Variants in LAMA2 observed in about 807,000 individuals in gnomAD.
LAMA2 encodes laminin subunit alpha 2, also known as laminin subunit alpha-2.
In LAMA2, 269 loss-of-function variants were observed where a neutral mutation model predicts 364.8. The ratio of observed to expected loss-of-function variants is 0.74; its 90% CI spans 0.67 to 0.82. The LOEUF is 0.82. Among genes scored for constraint, LAMA2 ranks in the 40% least tolerant of loss-of-function variants. LAMA2 has a pLI of 0.00. For synonymous variants in LAMA2, 1,379 were observed against 1,370.6 expected (o/e 1.01, Z -0.14); for missense variants, 3,807 against 3,873.2 (o/e 0.98, Z 0.45).
At chr6:129,136,853 G>A (rs529886168) in intron 4 of LAMA2, among the ~76,000 whole-genome samples, 1 of 152,226 alleles carries the variant, frequency 6.6e-6, no homozygotes, top group East Asian at 1.9e-4. Flanking sequence ...ATGATTTACA[G>A]CTTTTTAAAA....
chr6:129,054,349 G>T (rs1049246357), intron 2 of LAMA2, among the ~76,000 whole-genome samples: 2 of 152,290 alleles, frequency 1.3e-5, no homozygotes, highest in South Asian at 2.1e-4. Flanking sequence ...TGAAGAAAAG[G>T]TCAGAAAGTA....
intron 1 of LAMA2, among the ~76,000 whole-genome samples, chr6:128,884,867 T>C (rs779524808): frequency 6.6e-6 from 1 of 152,186 alleles, no homozygotes. Context: ...TTATGTCCAC[T>C]TGGAATGGGG....
chr6:128,988,136 G>A (rs901426196), intron 1 of LAMA2, among the ~76,000 whole-genome samples: 2 of 152,182 alleles, frequency 1.3e-5, no homozygotes, highest in Non-Finnish European at 2.9e-5. Flanking sequence ...AAAGTGCTGG[G>A]ATTATAGGCA....
rs754163400 is a variant in LAMA2 at position 129,320,597 on chromosome 6, C to T, written c.4118C>T (p.Pro1373Leu). 5.6e-5 allele frequency: 91 copies of T among 1,613,618 alleles called. No individual in the cohort carries two copies. The highest frequency in any genetic ancestry group is 7.5e-5 in the Non-Finnish European group (88 of 1,179,732). Residue 1373 changes from proline to leucine, a missense_variant, in exon 28 of 65, where the codon CCA becomes CTA. Physicochemically the swap from Pro to Leu is moderately conservative, Grantham distance 98. Around this residue, in one of 3 missense-constraint regions of LAMA2, gnomAD observed 3,333 missense variants for 3,345.7 expected, o/e 1.00. Transcript: ENST00000421865. The stretch of plus-strand genomic sequence containing the variant: ...GGACGTGGAACAACAATGACTCCTC[C>T]AGCTGACTTGATTGAAAAATGTGAT... Reference protein sequence around the residue: ...EQGRGTTMTPPADLIEKCDCP... With the variant: ...EQGRGTTMTPLADLIEKCDCP...
chr6:129,144,090 G>GA lies in LAMA2; in HGVS notation c.819+11dup, dbSNP rs1431346736. 1 of 1,603,640 alleles carries GA rather than the reference G, an allele frequency of 6.2e-7. No individual in the cohort carries two copies. The highest frequency in any genetic ancestry group is 8.5e-7 in the Non-Finnish European group (1 of 1,171,234). On this transcript the variant is annotated intron_variant, in intron 5 of 64. Coordinates refer to ENST00000421865, the MANE Select transcript of LAMA2 (RefSeq NM_000426.4). The stretch of plus-strand genomic sequence containing the variant: ...CATTGTCACCAGAAGAGTAAGTTAT[G>GA]ATGAATCATATTAGAGCCTACAAAT...
intron 4 of LAMA2, among the ~76,000 whole-genome samples, chr6:129,116,534 AC>A (rs2114910656): frequency 6.6e-6 from 1 of 152,236 alleles, no homozygotes; most frequent in East Asian, 1.9e-4. Context: ...TATGTATAGA[AC>A]CAAGATGATT....
chr6:129,238,172 C>CAAA (rs202051106), intron 12 of LAMA2, among the ~76,000 whole-genome samples: 1 of 119,156 alleles, frequency 8.4e-6, no homozygotes, highest in African/African-American at 3.0e-5. Context: ...GACTCCATCT[C>CAAA]AAAAAAAAAA....
chr6:129,142,569 G>A (rs1461146182), intron 4 of LAMA2, among the ~76,000 whole-genome samples: 1 of 151,984 alleles, frequency 6.6e-6, no homozygotes, highest in Non-Finnish European at 1.5e-5. Context: ...GCCATATTCA[G>A]TTCACCTGTA....
intron 8 of LAMA2, 79 bp downstream of exon 8, chr6:129,154,762 A>G: frequency 8.4e-7 from 1 of 1,187,388 alleles, no homozygotes. Context: ...AAAAATAATA[A>G]TTTTGAAAGC....
At chr6:129,044,530 T>A (rs989494190) in intron 1 of LAMA2, among the ~76,000 whole-genome samples, 13 of 151,466 alleles carry the variant, frequency 8.6e-5, no homozygotes, top group Non-Finnish European at 1.8e-4. Flanking sequence ...GATATACACT[T>A]AGCCTTTTTC....
At chr6:128,985,784 T>A (rs1207614862) in intron 1 of LAMA2, among the ~76,000 whole-genome samples, 2 of 152,178 alleles carry the variant, frequency 1.3e-5, no homozygotes, top group East Asian at 3.8e-4. Flanking sequence ...TATTTAAGTA[T>A]GCATATCTAA....
At chr6:129,282,986 G>A (rs1583410690) in intron 18 of LAMA2, among the ~76,000 whole-genome samples, 1 of 152,074 alleles carries the variant, frequency 6.6e-6, no homozygotes, top group Non-Finnish European at 1.5e-5. Flanking sequence ...CAGTGAACAG[G>A]GGAATGGCCA....
Position 129,485,904 on chromosome 6 carries a change from A to T in LAMA2, c.7750-570A>T, listed in dbSNP as rs575408681. ...GCATTCAGGCTCCCTGGGGTTCATG[A>T]TGGGATATCAAAACCACACTGGTTG... On this transcript the variant is annotated intron_variant, in intron 55 of 64. Coordinates refer to ENST00000421865, the MANE Select transcript of LAMA2 (RefSeq NM_000426.4). Among the ~76,000 whole-genome samples, 6 of 152,314 alleles carry T rather than the reference A, an allele frequency of 3.9e-5. No homozygotes were observed. In the East Asian group the frequency reaches 1.2e-3, roughly 29 times the overall value.
intron 1 of LAMA2, among the ~76,000 whole-genome samples, chr6:129,023,938 TG>T (rs1785624077): frequency 6.6e-6 from 1 of 152,230 alleles, no homozygotes; most frequent in Non-Finnish European, 1.5e-5. Context: ...TTGTTGTTGT[TG>T]TTTTGGTTTG....
intron 1 of LAMA2, among the ~76,000 whole-genome samples, chr6:129,046,514 C>T (rs181142888): frequency 2.3e-4 from 35 of 152,218 alleles, no homozygotes; most frequent in Non-Finnish European, 4.6e-4. Flanking sequence ...TGAGAAAAAC[C>T]TGCCCTCATG....
At chr6:129,137,053 T>C (rs1355833369) in intron 4 of LAMA2, among the ~76,000 whole-genome samples, 5 of 152,122 alleles carry the variant, frequency 3.3e-5, no homozygotes, top group African/African-American at 9.7e-5. Flanking sequence ...AGCTTAGGGG[T>C]AGAGTTGTCA....
chr6:129,396,822 C>T (rs547417730), intron 37 of LAMA2, among the ~76,000 whole-genome samples: 2 of 151,620 alleles, frequency 1.3e-5, no homozygotes, highest in East Asian at 3.9e-4. Context: ...TAGAAAAATA[C>T]AAAAATTAGT....
chr6:129,115,442 G>A (rs765381077), intron 4 of LAMA2, among the ~76,000 whole-genome samples: 5 of 151,860 alleles, frequency 3.3e-5, no homozygotes, highest in Non-Finnish European at 7.4e-5. Flanking sequence ...TTTATTTGTC[G>A]GATGCATATA....
At chr6:129,511,860 T>C (rs2114928693) in intron 62 of LAMA2, among the ~76,000 whole-genome samples, 1 of 152,294 alleles carries the variant, frequency 6.6e-6, no homozygotes, top group African/African-American at 2.4e-5. Flanking sequence ...ATTAATAAAA[T>C]GTGTGGCAAC....
Sources: gnomAD v4.1 joint callset for allele counts (sites outside exome capture counted in the v4.1 genomes callset) on GRCh38, gnomAD v4.1.1 for gene constraint, gnomAD v4.1.1 regional missense constraint, MANE v1.5 for transcripts, NCBI Gene and HGNC (gene_info 2026-07-23, HGNC 2026-07-21) for gene names.